The following NMNAT1 variants were observed in gnomAD, a reference collection of about 807,000 sequenced individuals.
NMNAT1 encodes the protein nicotinamide nucleotide adenylyltransferase 1.
In NMNAT1, 11 loss-of-function variants were observed where a neutral mutation model predicts 16.7. The observed-to-expected ratio is 0.66, with a 90% CI of 0.41 to 1.09. The LOEUF (loss-of-function observed/expected upper bound fraction) is 1.09, where lower values mean the gene tolerates loss of function less well. Ranked by LOEUF, NMNAT1 falls within the 50% of genes least tolerant of loss-of-function variation. The pLI is 0.00. For synonymous variants in NMNAT1, 110 were observed against 119.8 expected (o/e 0.92, Z 0.53); for missense variants, 280 against 332.3 (o/e 0.84, Z 1.22).
intron 1 of NMNAT1, among the ~76,000 whole-genome samples, chr1:9,961,149 G>C (rs930103842): frequency 6.6e-6 from 1 of 152,166 alleles, no homozygotes; most frequent in African/African-American, 2.4e-5. Flanking sequence ...TTTATGCTGA[G>C]AGATCAGCTT....
intron 1 of NMNAT1, among the ~76,000 whole-genome samples, chr1:9,956,245 C>G (rs1641257476): frequency 6.6e-6 from 1 of 150,674 alleles, no homozygotes; most frequent in Admixed American, 6.7e-5. Flanking sequence ...TCTCTGCTCA[C>G]TGCAACCTCT....
intron 1 of NMNAT1, 40 bp from the exon 2 acceptor site, chr1:9,971,978 A>C (rs1388720503): frequency 1.3e-6 from 1 of 751,318 alleles, no homozygotes; most frequent in African/African-American, 1.7e-5. Flanking sequence ...TTAGGGAAAA[A>C]AAAATGCATA....
At chr1:9,965,698 T>C (rs1439395791) in intron 1 of NMNAT1, among the ~76,000 whole-genome samples, 2 of 152,084 alleles carry the variant, frequency 1.3e-5, no homozygotes, top group African/African-American at 4.8e-5. Context: ...CAACCGCACC[T>C]GGCCAAGAAT....
At chr1:9,987,391 A>T (rs543258392), downstream of NMNAT1, among the ~76,000 whole-genome samples, 67 of 152,180 alleles carry the variant, frequency 4.4e-4, no homozygotes, top group African/African-American at 1.6e-3. Context: ...CTGTAATTCC[A>T]GCACTTTGGG....
At chr1:9,981,932 C>T (rs937343647) in intron 4 of NMNAT1, among the ~76,000 whole-genome samples, 4 of 151,914 alleles carry the variant, frequency 2.6e-5, no homozygotes, top group African/African-American at 4.8e-5. Context: ...GGCACAATCT[C>T]GGCTTACTGC....
In NMNAT1 at chr1:9,955,683, T is replaced by C. The variant is rs1641241601; in HGVS notation, c.-57+12168T>C. On this transcript the variant is annotated intron_variant, in intron 1 of 4. Transcript: ENST00000377205. ...ATTCCCTTCACCTGAATTTTAGATGTGAGTTGTTTTTTTAATTTTAGTCTA... is the reference window on the plus strand; with the variant it reads ...ATTCCCTTCACCTGAATTTTAGATGCGAGTTGTTTTTTTAATTTTAGTCTA... 2.0e-5 allele frequency: 3 copies of C among 152,156 alleles called. No individual in the cohort carries two copies. In the South Asian group the frequency reaches 6.2e-4, roughly 32 times the overall value. 9.4% of individuals were successfully genotyped at this position (152,156 alleles called of 1,614,324 possible).
chr1:9,972,267 T>C (rs897960407), intron 2 of NMNAT1, 79 bp downstream of exon 2: 1 of 762,296 alleles, frequency 1.3e-6, no homozygotes, highest in African/African-American at 1.7e-5. Context: ...TCCCAGCATT[T>C]TGGGAGGCTG....
intron 2 of NMNAT1, 85 bp downstream of exon 2, chr1:9,972,273 G>A: frequency 1.4e-6 from 1 of 727,398 alleles, no homozygotes; most frequent in Non-Finnish European, 2.5e-6. Flanking sequence ...CATTTTGGGA[G>A]GCTGAGACGG....
At chr1:9,995,945 C>T in the NMNAT1 span, among the ~76,000 whole-genome samples, 1 of 151,896 alleles carries the variant, frequency 6.6e-6, no homozygotes, top group Non-Finnish European at 1.5e-5. Context: ...AGGAGAATCA[C>T]TTGAACCTGG....
intron 2 of NMNAT1, among the ~76,000 whole-genome samples, chr1:9,972,767 G>A (rs928453973): frequency 3.3e-5 from 5 of 152,038 alleles, no homozygotes; most frequent in African/African-American, 1.2e-4. Flanking sequence ...AGACCAACCT[G>A]GGAAACAGAG....
chr1:9,959,969 A>G (rs994051324), intron 1 of NMNAT1, among the ~76,000 whole-genome samples: 7 of 152,200 alleles, frequency 4.6e-5, no homozygotes, highest in Non-Finnish European at 7.3e-5. Flanking sequence ...TTTGAAAGGA[A>G]TAGCACCCTT....
chr1:9,978,955 T>C (rs186719437), intron 3 of NMNAT1, among the ~76,000 whole-genome samples: 1 of 152,334 alleles, frequency 6.6e-6, no homozygotes, highest in East Asian at 1.9e-4. Flanking sequence ...CACTCTTCCA[T>C]GGTCAAGAGT....
chr1:9,943,780 CCTTTAGG>C (rs1162796937), intron 1 of NMNAT1, among the ~76,000 whole-genome samples: 1 of 152,182 alleles, frequency 6.6e-6, no homozygotes, highest in African/African-American at 2.4e-5. Flanking sequence ...AGGTCTGGCA[CCTTTAGG>C]CTTAACGGGG....
At chr1:9,951,104 A>AG (rs1180308332) in intron 1 of NMNAT1, 1 of 151,818 alleles carries the variant, frequency 6.6e-6, no homozygotes, top group Non-Finnish European at 1.5e-5. Flanking sequence ...AAAAAAAAAA[A>AG]GAGGAACTAG....
intron 1 of NMNAT1, among the ~76,000 whole-genome samples, chr1:9,963,151 C>G (rs562519364): frequency 2.6e-5 from 4 of 152,206 alleles, no homozygotes; most frequent in African/African-American, 9.6e-5. Flanking sequence ...CAGTTTATCT[C>G]CCATTTTTCT....
chr1:9,992,650 G>A, the NMNAT1 span, among the ~76,000 whole-genome samples: 3 of 151,982 alleles, frequency 2.0e-5, no homozygotes, highest in South Asian at 2.1e-4. Flanking sequence ...GGTGGCTCAC[G>A]CCTGTAATCC....
intron 4 of NMNAT1, among the ~76,000 whole-genome samples, chr1:9,982,015 C>T (rs1454012837): frequency 6.6e-6 from 1 of 152,148 alleles, no homozygotes; most frequent in East Asian, 1.9e-4. Flanking sequence ...AGGCGTGCGC[C>T]ACCACACCCG....
At chr1:9,973,284 T>A (rs1337220764) in intron 2 of NMNAT1, among the ~76,000 whole-genome samples, 1 of 151,928 alleles carries the variant, frequency 6.6e-6, no homozygotes. Flanking sequence ...GCCCGGCTAA[T>A]TTTTTATATT....
At chr1:9,956,478 G>A (rs1475964620) in intron 1 of NMNAT1, among the ~76,000 whole-genome samples, 1 of 144,890 alleles carries the variant, frequency 6.9e-6, no homozygotes, top group Non-Finnish European at 1.5e-5. Flanking sequence ...CTGGAGTGCA[G>A]TTGTATGATC....
Sources: gnomAD v4.1 joint callset for allele counts (sites outside exome capture counted in the v4.1 genomes callset) on GRCh38, gnomAD v4.1.1 for gene constraint, MANE v1.5 for transcripts, NCBI Gene and HGNC (gene_info 2026-07-23, HGNC 2026-07-21) for gene names.